Variants in FLRT2 observed in about 807,000 individuals in gnomAD.
FLRT2 encodes fibronectin leucine rich transmembrane protein 2.
Under a neutral mutation model 40.0 loss-of-function variants are expected in FLRT2, and 15 were observed. The observed-to-expected ratio is 0.38, with a 90% CI of 0.25 to 0.58. FLRT2 has a LOEUF of 0.58. FLRT2 is among the 20% of genes least tolerant of loss of function. The pLI, the probability that FLRT2 is intolerant of heterozygous loss-of-function variation, is 0.71. For missense variants in FLRT2, 726 were observed against 840.0 expected, an observed-to-expected ratio of 0.86 and a Z score of 1.68; for synonymous variants, 380 against 336.8, an observed-to-expected ratio of 1.13 and a Z score of -1.41.
chr14:85,566,523 A>C (rs1433041114), intron 1 of FLRT2, among the ~76,000 whole-genome samples: 2 of 147,406 alleles, frequency 1.4e-5, no homozygotes, highest in Non-Finnish European at 3.0e-5. Context: ...TCCTAAAGGA[A>C]CACTCAGTCC....
Position 85,622,290 on chromosome 14 carries a change from T to C in FLRT2, c.776T>C (p.Leu259Ser). 1 of 1,614,126 alleles carries C rather than the reference T, an allele frequency of 6.2e-7. No homozygotes were observed. The highest frequency in any genetic ancestry group is 8.5e-7 in the Non-Finnish European group (1 of 1,180,008). Residue 259 changes from leucine (L) to serine (S), a missense_variant, in exon 2 of 2, where the codon TTG becomes TCG. Around this residue, in one of 3 missense-constraint regions of FLRT2, gnomAD observed 611 missense variants for 690.0 expected, o/e 0.89. Coordinates refer to ENST00000330753, the MANE Select transcript of FLRT2 (RefSeq NM_013231.6). ...GGTACGCATCTGATCAGGCTCTATTTGCAGGACAACCAGATAAACCACATT... is the reference window on the plus strand; with the variant it reads ...GGTACGCATCTGATCAGGCTCTATTCGCAGGACAACCAGATAAACCACATT... ...LPGTHLIRLYLQDNQINHIPL... is the reference protein window; with the variant it reads ...LPGTHLIRLYSQDNQINHIPL...
At chr14:85,554,147 C>T (rs147062616) in intron 1 of FLRT2, among the ~76,000 whole-genome samples, 15 of 152,224 alleles carry the variant, frequency 9.9e-5, no homozygotes, top group Middle Eastern at 6.8e-3. Context: ...CTGCAGGACA[C>T]TACCCGTATT....
Position 85,625,955 on chromosome 14 carries a change from T to G in FLRT2, c.*2458T>G, listed in dbSNP as rs1893666265. 1 of 167,002 alleles carries G rather than the reference T, an allele frequency of 6.0e-6. No individual in the cohort carries two copies. Among genetic ancestry groups the G allele is most frequent in the African/African-American group, 2.4e-5 (1 of 41,398 alleles). The allele number at this position is 167,002 out of a possible 1,614,324, so 10.3% of individuals were successfully genotyped here. ...GAGGTTCCTGTCATTTCTTATGGGG[T>G]TCACAGAATTATTTGGGGCTTAAAT... On this transcript the variant is annotated 3_prime_UTR_variant, in exon 2 of 2. Coordinates refer to ENST00000330753, the MANE Select transcript of FLRT2 (RefSeq NM_013231.6).
At chr14:85,565,923 G>T (rs547750431) in intron 1 of FLRT2, among the ~76,000 whole-genome samples, 1 of 152,284 alleles carries the variant, frequency 6.6e-6, no homozygotes, top group South Asian at 2.1e-4. Flanking sequence ...AAACTTCATT[G>T]TTTGGGGAAT....
intron 1 of FLRT2, among the ~76,000 whole-genome samples, chr14:85,620,621 T>G (rs1211159117): frequency 6.6e-6 from 1 of 152,210 alleles, no homozygotes; most frequent in Non-Finnish European, 1.5e-5. Context: ...GGAATAACTT[T>G]TCTGTAAGGA....
intron 1 of FLRT2, among the ~76,000 whole-genome samples, chr14:85,573,123 C>T (rs1008258729): frequency 1.3e-5 from 2 of 152,086 alleles, no homozygotes; most frequent in African/African-American, 4.8e-5. Flanking sequence ...TCTATCATAT[C>T]CTCCATCAGA....
At chr14:85,607,366 A>G (rs1892669118) in intron 1 of FLRT2, among the ~76,000 whole-genome samples, 1 of 152,196 alleles carries the variant, frequency 6.6e-6, no homozygotes, top group Non-Finnish European at 1.5e-5. Flanking sequence ...GAGTCTGGGA[A>G]AGCAATTAGA....
chr14:85,600,137 A>G (rs922361254), intron 1 of FLRT2, among the ~76,000 whole-genome samples: 4 of 152,216 alleles, frequency 2.6e-5, no homozygotes, highest in Non-Finnish European at 1.5e-5. Context: ...GACCTCACTA[A>G]TGATTCATTT....
At chr14:85,543,714 C>T (rs1249683287) in intron 1 of FLRT2, among the ~76,000 whole-genome samples, 1 of 152,110 alleles carries the variant, frequency 6.6e-6, no homozygotes, top group African/African-American at 2.4e-5. Flanking sequence ...AGGCATGGCC[C>T]TCTTGATACT....
intron 1 of FLRT2, among the ~76,000 whole-genome samples, chr14:85,592,124 T>C (rs1315552085): frequency 6.8e-6 from 1 of 147,590 alleles, no homozygotes; most frequent in African/African-American, 2.6e-5. Context: ...AAAACAGATG[T>C]GACAGGAAGA....
At chr14:85,618,940 T>C (rs1435141498) in intron 1 of FLRT2, among the ~76,000 whole-genome samples, 2 of 152,178 alleles carry the variant, frequency 1.3e-5, no homozygotes, top group Admixed American at 6.5e-5. Context: ...ATCAGGCTGA[T>C]AGCATTAAAC....
chr14:85,571,800 G>A (rs965712948), intron 1 of FLRT2, among the ~76,000 whole-genome samples: 4 of 152,070 alleles, frequency 2.6e-5, no homozygotes, highest in South Asian at 4.2e-4. Context: ...TTCTCACTAC[G>A]GTGACCTAAA....
At position 85,553,413 on chromosome 14, in the gene FLRT2, A is replaced by G. The variant is rs572219272; in HGVS notation, c.-377+22879A>G. Among the ~76,000 whole-genome samples, 414 of 152,258 alleles carry G rather than the reference A, an allele frequency of 2.7e-3. 1 individual carries two copies. Among genetic ancestry groups the G allele is most frequent in the African/African-American group, 9.8e-3 (406 of 41,540 alleles). ...CAATCTTTTGGCTTCCTGGGGCCAT[A>G]TTGGAAGAAGAAGAATTGTCTGGGG... On this transcript the variant is annotated intron_variant, in intron 1 of 1. Transcript: ENST00000330753.
chr14:85,599,163 GCC>G (rs1386422564), intron 1 of FLRT2, among the ~76,000 whole-genome samples: 1 of 150,174 alleles, frequency 6.7e-6, no homozygotes, highest in African/African-American at 2.4e-5. Context: ...CTCGTGATCT[GCC>G]CGCCTCGGCC....
Position 85,625,269 on chromosome 14 carries a change from G to A in FLRT2, c.*1772G>A, listed in dbSNP as rs1279706180. ...CTTTTACCATTGACCATTATTATAG[G>A]GACCCATGAAGTAAATGTCACAATC... is the stretch of plus-strand genomic sequence containing the variant. On this transcript the variant is annotated 3_prime_UTR_variant, in exon 2 of 2. Transcript: ENST00000330753. The A allele has an allele frequency of 6.0e-6, 1 of 166,850 alleles. No homozygotes were observed. Among genetic ancestry groups the A allele is most frequent in the African/African-American group, 2.4e-5 (1 of 41,392 alleles). The allele number at this position is 166,850 out of a possible 1,614,324, so 10.3% of individuals were successfully genotyped here.
chr14:85,582,260 G>T (rs1368619330), intron 1 of FLRT2, among the ~76,000 whole-genome samples: 3 of 152,168 alleles, frequency 2.0e-5, no homozygotes, highest in Non-Finnish European at 4.4e-5. Flanking sequence ...TGATATATGT[G>T]TTTGTATATG....
intron 1 of FLRT2, among the ~76,000 whole-genome samples, chr14:85,572,062 G>GAAC (rs1890915678): frequency 6.6e-6 from 1 of 152,134 alleles, no homozygotes; most frequent in Non-Finnish European, 1.5e-5. Context: ...GACAGCTATG[G>GAAC]CCTCACTGTT....
chr14:85,539,995 T>G (rs1252237484), intron 1 of FLRT2, among the ~76,000 whole-genome samples: 1 of 152,182 alleles, frequency 6.6e-6, no homozygotes, highest in Non-Finnish European at 1.5e-5. Context: ...TAAGGATAAA[T>G]GATAATTAGG....
Position 85,637,193 on chromosome 14 carries a change from A to C in FLRT2, c.*13696A>C, listed in dbSNP as rs1894030202. The C allele has an allele frequency of 6.6e-6, 1 of 152,206 alleles. No individual in the cohort carries two copies. The highest frequency in any genetic ancestry group is 2.4e-5 in the African/African-American group (1 of 41,462). The allele number at this position is 152,206 out of a possible 1,614,324, so 9.4% of individuals were successfully genotyped here. On this transcript the variant is annotated 3_prime_UTR_variant, in exon 2 of 2. Coordinates refer to ENST00000330753, the MANE Select transcript of FLRT2 (RefSeq NM_013231.6). ...TATAAACTATAAAAAATTTTCATCT[A>C]GACAAAGAAGTTATTAAAAGCATTA...
Sources: allele counts gnomAD v4.1 joint callset (sites outside exome capture counted in the v4.1 genomes callset), GRCh38; gene constraint gnomAD v4.1.1; regional missense constraint gnomAD v4.1.1; transcripts MANE v1.5; gene names NCBI Gene and HGNC (gene_info 2026-07-23, HGNC 2026-07-21).